Variants in HDAC9 observed in about 807,000 individuals in gnomAD.
HDAC9 encodes the protein MEF-2 interacting transcription repressor (MITR) protein.
A neutral mutation model predicts 139.4 loss-of-function variants in HDAC9; 41 were observed. The ratio of observed to expected loss-of-function variants is 0.29; its 90% CI spans 0.23 to 0.38. The LOEUF (loss-of-function observed/expected upper bound fraction) is 0.38. Ranked by LOEUF, HDAC9 falls within the 10% of genes least tolerant of loss-of-function variation. The pLI is 1.00. For synonymous variants in HDAC9, 517 were observed against 476.2 expected, an observed-to-expected ratio of 1.09 and a Z score of -1.12; for missense variants, 1,147 against 1,297.0, an observed-to-expected ratio of 0.88 and a Z score of 1.78.
chr7:18,707,696 A>C (rs55776524), intron 12 of HDAC9, among the ~76,000 whole-genome samples: 3 of 152,052 alleles, frequency 2.0e-5, no homozygotes, highest in Non-Finnish European at 4.4e-5. Flanking sequence ...ATGGGCAATT[A>C]TTATTTTCCT....
chr7:18,288,022 T>A (rs1036654217), upstream of HDAC9, among the ~76,000 whole-genome samples: 2 of 152,222 alleles, frequency 1.3e-5, no homozygotes, highest in African/African-American at 4.8e-5. Flanking sequence ...TAGTATACGT[T>A]GAATTTCCTA....
chr7:18,746,594 C>T lies in HDAC9; in HGVS notation c.1910-2411C>T, dbSNP rs185029921. On this transcript the variant is annotated intron_variant, in intron 13 of 25. Coordinates refer to ENST00000686413, the MANE Select transcript of HDAC9 (RefSeq NM_178425.4). The stretch of plus-strand genomic sequence containing the variant: ...AAGGTAGAAGATTAAACAAGTAAGA[C>T]TACCCTTCAGGAATCCAAGGAGATC... Among the ~76,000 whole-genome samples the T allele has an allele frequency of 2.8e-3, 424 of 152,306 alleles. 2 individuals are homozygous for T. The highest frequency in any genetic ancestry group is 0.01 in the South Asian group (50 of 4,826).
intron 1 of HDAC9, among the ~76,000 whole-genome samples, chr7:18,154,495 A>G (rs1440267317): frequency 6.6e-6 from 1 of 152,168 alleles, no homozygotes; most frequent in African/African-American, 2.4e-5. Flanking sequence ...ATAACAGCCA[A>G]TGTTTTTGAG....
chr7:18,847,359 C>CT (rs1378258966), intron 21 of HDAC9, among the ~76,000 whole-genome samples: 6 of 151,638 alleles, frequency 4.0e-5, no homozygotes, highest in South Asian at 2.1e-4. Context: ...TTTTTCCTTT[C>CT]TTTTTTTTAG....
chr7:18,497,815 A>G (rs911133610), intron 2 of HDAC9, among the ~76,000 whole-genome samples: 2 of 151,956 alleles, frequency 1.3e-5, no homozygotes, highest in African/African-American at 4.8e-5. Flanking sequence ...CAAGTTTGAT[A>G]TTTTTTTTCA....
chr7:18,596,093 T>G lies in HDAC9; in HGVS notation c.664+2064T>G, dbSNP rs185147000. ...AAATCCCTGGTCTTTTCTAGAGGTATTTTTTCTGTATTTGATCAGTATTTC... is the reference window on the plus strand; with the variant it reads ...AAATCCCTGGTCTTTTCTAGAGGTAGTTTTTCTGTATTTGATCAGTATTTC... On this transcript the variant is annotated intron_variant, in intron 6 of 25. Coordinates refer to ENST00000686413, the MANE Select transcript of HDAC9 (RefSeq NM_178425.4). Among the ~76,000 whole-genome samples the G allele has an allele frequency of 2.2e-3, 333 of 152,198 alleles. 4 individuals carry two copies. The highest frequency in any genetic ancestry group is 7.5e-3 in the African/African-American group (312 of 41,532).
In HDAC9 at chr7:18,998,884, G is replaced by T. The variant is rs533302847; in HGVS notation, c.*2822G>T. Reference sequence around the variant, plus strand: ...GAATTTAATAAGCTGTCAAACGTAGGTATAAAAAGAAGGCTTAAAAATTAA... The same window carrying T: ...GAATTTAATAAGCTGTCAAACGTAGTTATAAAAAGAAGGCTTAAAAATTAA... On this transcript the variant is annotated 3_prime_UTR_variant, in exon 26 of 26. Coordinates refer to ENST00000686413, the MANE Select transcript of HDAC9 (RefSeq NM_178425.4). The T allele has an allele frequency of 6.6e-6, 1 of 152,186 alleles. No individual in the cohort carries two copies. Among genetic ancestry groups the T allele is most frequent in the African/African-American group, 2.4e-5 (1 of 41,532 alleles). The allele number at this position is 152,186 out of a possible 1,614,324, so 9.4% of individuals were successfully genotyped here.
chr7:18,963,237 G>A (rs144802289), intron 24 of HDAC9, among the ~76,000 whole-genome samples: 4 of 152,224 alleles, frequency 2.6e-5, no homozygotes, highest in African/African-American at 9.6e-5. Context: ...GCAAATAATG[G>A]CATCAGTGCT....
intron 14 of HDAC9, among the ~76,000 whole-genome samples, chr7:18,756,834 A>G (rs973236154): frequency 4.0e-5 from 6 of 151,502 alleles, no homozygotes; most frequent in Admixed American, 1.3e-4. Flanking sequence ...CTGTTAGGCC[A>G]CCTGCCTGCT....
intron 1 of HDAC9, among the ~76,000 whole-genome samples, chr7:18,150,702 A>T (rs17417669): frequency 0.047 from 7,126 of 152,246 alleles, 192 homozygotes; most frequent in Non-Finnish European, 0.059. Flanking sequence ...CTGTTCCAAC[A>T]CTGCTACTCC....
intron 1 of HDAC9, among the ~76,000 whole-genome samples, chr7:18,091,294 G>T (rs1031063394): frequency 1.3e-5 from 2 of 152,178 alleles, no homozygotes; most frequent in Non-Finnish European, 2.9e-5. Context: ...ACTATCTATT[G>T]TTTGCTGCAC....
At chr7:18,539,715 C>T (rs983418517) in intron 2 of HDAC9, among the ~76,000 whole-genome samples, 1 of 151,780 alleles carries the variant, frequency 6.6e-6, no homozygotes, top group Non-Finnish European at 1.5e-5. Context: ...AAAGGAAAAA[C>T]ATTTGGTAGG....
At chr7:18,827,239 A>G (rs1795517892) in intron 17 of HDAC9, among the ~76,000 whole-genome samples, 1 of 152,136 alleles carries the variant, frequency 6.6e-6, no homozygotes, top group African/African-American at 2.4e-5. Flanking sequence ...AAATATTTAT[A>G]ACAAAATGTT....
intron 2 of HDAC9, among the ~76,000 whole-genome samples, chr7:18,277,599 C>T (rs1796825612): frequency 6.6e-6 from 1 of 152,144 alleles, no homozygotes; most frequent in Admixed American, 6.5e-5. Context: ...TCTTATTTTA[C>T]ACCCACAACT....
At chr7:18,640,652 C>T (rs766623830) in intron 8 of HDAC9, among the ~76,000 whole-genome samples, 2 of 151,832 alleles carry the variant, frequency 1.3e-5, no homozygotes, top group African/African-American at 2.4e-5. Context: ...ATATTTTTTA[C>T]TTTGCATCCA....
intron 23 of HDAC9, among the ~76,000 whole-genome samples, chr7:18,936,717 T>C (rs1415393850): frequency 1.3e-5 from 2 of 152,234 alleles, no homozygotes; most frequent in African/African-American, 4.8e-5. Flanking sequence ...GCATTTTGCC[T>C]TTCTTTTATG....
At chr7:18,934,572 G>C (rs1277392192) in intron 22 of HDAC9, among the ~76,000 whole-genome samples, 2 of 152,156 alleles carry the variant, frequency 1.3e-5, no homozygotes, top group Non-Finnish European at 2.9e-5. Flanking sequence ...AATTACATTT[G>C]TAATGAAATC....
intron 12 of HDAC9, among the ~76,000 whole-genome samples, chr7:18,676,131 C>G (rs937508480): frequency 6.6e-6 from 1 of 152,020 alleles, no homozygotes; most frequent in Admixed American, 6.6e-5. Context: ...GAAAGCAAAA[C>G]TCAGAAAATT....
intron 1 of HDAC9, among the ~76,000 whole-genome samples, chr7:18,103,309 A>T (rs1249076227): frequency 1.3e-5 from 2 of 152,176 alleles, no homozygotes; most frequent in Non-Finnish European, 2.9e-5. Flanking sequence ...ACCATATCAG[A>T]CTGTGATAGT....
Sources: allele counts gnomAD v4.1 joint callset (sites outside exome capture counted in the v4.1 genomes callset), GRCh38; gene constraint gnomAD v4.1.1; transcripts MANE v1.5; gene names NCBI Gene and HGNC (gene_info 2026-07-23, HGNC 2026-07-21).